The following MSTO1 variants were observed in gnomAD, a reference collection of about 807,000 sequenced individuals.
MSTO1 encodes misato mitochondrial distribution and morphology regulator 1.
Under a neutral mutation model 55.7 loss-of-function variants are expected in MSTO1, and 24 were observed. The observed-to-expected ratio is 0.43, with a 90% CI of 0.31 to 0.61. MSTO1 has a LOEUF of 0.61. MSTO1 is among the 20% of genes least tolerant of loss of function. The pLI is 0.09. For synonymous variants in MSTO1, 162 were observed against 252.8 expected (o/e 0.64, Z 3.41); for missense variants, 363 against 625.7 (o/e 0.58, Z 4.48).
the MSTO1 span, among the ~76,000 whole-genome samples, chr1:155,589,357 C>T: frequency 1.3e-5 from 2 of 151,412 alleles, no homozygotes. Flanking sequence ...GGCCAGACTG[C>T]TGTTGGTAAG....
At chr1:155,587,439 C>CAA in the MSTO1 span, among the ~76,000 whole-genome samples, 2,175 of 52,396 alleles carry the variant, frequency 0.042, 40 homozygotes, top group Non-Finnish European at 0.057. Flanking sequence ...GACTACGTCT[C>CAA]AAAAAAAAAA....
the MSTO1 span, among the ~76,000 whole-genome samples, chr1:155,592,590 G>A: frequency 6.6e-6 from 1 of 151,492 alleles, no homozygotes; most frequent in East Asian, 1.9e-4. Context: ...GCTTCACTCT[G>A]TTTCCCAGGC....
At chr1:155,595,499 T>C in the MSTO1 span, among the ~76,000 whole-genome samples, 1 of 150,218 alleles carries the variant, frequency 6.7e-6, no homozygotes, top group Admixed American at 6.6e-5. Flanking sequence ...TTCTTTTTTT[T>C]TTTTTTTGAG....
At chr1:155,594,745 C>G in the MSTO1 span, among the ~76,000 whole-genome samples, 1 of 152,102 alleles carries the variant, frequency 6.6e-6, no homozygotes, top group Admixed American at 6.6e-5. Context: ...ACCACCACAC[C>G]TGGCTCCCAA....
At chr1:155,570,867 G>T in the MSTO1 span, among the ~76,000 whole-genome samples, 4 of 152,066 alleles carry the variant, frequency 2.6e-5, no homozygotes, top group Admixed American at 1.3e-4. Flanking sequence ...CGAGGATAAG[G>T]GTGGACTACT....
At chr1:155,591,272 G>A in the MSTO1 span, 2 of 1,586,934 alleles carry the variant, frequency 1.3e-6, no homozygotes, top group Non-Finnish European at 1.7e-6. Context: ...TGGTGAGATT[G>A]AAGGAGCTGC....
the MSTO1 span, among the ~76,000 whole-genome samples, chr1:155,574,769 T>C: frequency 1.3e-5 from 2 of 152,158 alleles, no homozygotes; most frequent in African/African-American, 2.4e-5. Context: ...GGTTTTCCTA[T>C]GTTGCCCAGG....
At position 155,610,481 on chromosome 1, in the gene MSTO1, C is replaced by G. The variant is rs1396444335; in HGVS notation, c.141C>G (p.Pro47=). 9.9e-6 allele frequency: 8 copies of G among 805,778 alleles called. No homozygotes were observed. The highest frequency in any genetic ancestry group is 9.5e-5 in the South Asian group (6 of 63,194). The allele number at this position is 805,778 out of a possible 1,614,324, so 49.9% of individuals were successfully genotyped here. Residue 47 remains proline, a synonymous_variant, in exon 2 of 14, where the codon CCC becomes CCG. Transcript: ENST00000245564. ...AGGAGCCCCCGGGAGAGCTGTGCCC[C>G]GACGTCCTGTATCGTACGGGCCGGA... is the stretch of plus-strand genomic sequence containing the variant. ...DSKEPPGELC[P]DVLYRTGRTL... is the part of the protein sequence containing the mutation.
At chr1:155,572,817 A>AT in the MSTO1 span, among the ~76,000 whole-genome samples, 1 of 151,688 alleles carries the variant, frequency 6.6e-6, no homozygotes. Context: ...CGTCTGGCTA[A>AT]TTTTGTATTT....
the MSTO1 span, among the ~76,000 whole-genome samples, chr1:155,580,791 C>T: frequency 1.3e-5 from 2 of 151,234 alleles, no homozygotes; most frequent in African/African-American, 4.9e-5. Flanking sequence ...TGGTGGCATG[C>T]ATCTGTACTC....
In MSTO1 at chr1:155,612,846, C is replaced by T. The variant is rs201559854; in HGVS notation, c.969C>T (p.Ala323=). 3.1e-6 allele frequency: 5 copies of T among 1,613,878 alleles called. No individual in the cohort carries two copies. Among genetic ancestry groups the T allele is most frequent in the Non-Finnish European group, 3.4e-6 (4 of 1,179,832 alleles). The change falls in exon 10 of 14, where the codon GCC becomes GCT. Residue 323 remains alanine (A), a splice_region_variant and synonymous_variant. Transcript: ENST00000245564. ...PVSFPYLHYD[A]TLPFHCSAIL... Reference sequence around the variant, plus strand: ...CCCATCTTGGTGTCTTCTTACAGGCCACTCTGCCCTTCCACTGCAGTGCCA... The same window carrying T: ...CCCATCTTGGTGTCTTCTTACAGGCTACTCTGCCCTTCCACTGCAGTGCCA...
the MSTO1 span, among the ~76,000 whole-genome samples, chr1:155,599,192 A>G: frequency 2.0e-5 from 3 of 152,270 alleles, no homozygotes; most frequent in Admixed American, 6.5e-5. Flanking sequence ...AAGAAAAAAA[A>G]AAAAGAAAAG....
chr1:155,613,366 A>G, intron 11 of MSTO1, 96 bp from the exon 12 acceptor site: 2 of 1,579,920 alleles, frequency 1.3e-6, no homozygotes, highest in Non-Finnish European at 1.7e-6. Flanking sequence ...AAGGGCTTTG[A>G]ATATCTTGAT....
chr1:155,612,988 G>A lies in MSTO1; in HGVS notation c.1098+13G>A. ...CTGTGGGAAAAAGGTATGAAGCTTT[G>A]TAAGGGGTTGGGTCAGTGCTGAGAA... On this transcript the variant is annotated intron_variant, in intron 10 of 13. Coordinates refer to ENST00000245564, the MANE Select transcript of MSTO1 (RefSeq NM_018116.4). The A allele has an allele frequency of 6.2e-7, 1 of 1,613,992 alleles. No individual in the cohort carries two copies. Among genetic ancestry groups the A allele is most frequent in the South Asian group, 1.1e-5 (1 of 91,076 alleles).
chr1:155,608,333 T>C (rs1672999684), upstream of MSTO1, among the ~76,000 whole-genome samples: 1 of 152,036 alleles, frequency 6.6e-6, no homozygotes, highest in Non-Finnish European at 1.5e-5. Flanking sequence ...TTTTGAAAAA[T>C]TCTTTTATAG....
the MSTO1 span, among the ~76,000 whole-genome samples, chr1:155,604,710 T>C: frequency 6.6e-6 from 1 of 151,816 alleles, no homozygotes; most frequent in African/African-American, 2.4e-5. Context: ...ACCTCATCTC[T>C]ACAAAAAATG....
upstream of MSTO1, among the ~76,000 whole-genome samples, chr1:155,609,308 T>G (rs1217329427): frequency 7.5e-6 from 1 of 133,256 alleles, no homozygotes; most frequent in African/African-American, 2.8e-5. Context: ...TGCATTGGCG[T>G]GATCTCGGCT....
the MSTO1 span, among the ~76,000 whole-genome samples, chr1:155,577,428 T>C: frequency 6.6e-6 from 1 of 152,280 alleles, no homozygotes; most frequent in Middle Eastern, 3.4e-3. Flanking sequence ...TACATTTAGG[T>C]CTATGAGCTA....
upstream of MSTO1, among the ~76,000 whole-genome samples, chr1:155,606,381 T>C (rs1313559905): frequency 6.7e-6 from 1 of 149,642 alleles, no homozygotes; most frequent in Non-Finnish European, 1.5e-5. Flanking sequence ...TTTTTTTTTC[T>C]ATTTTTTCTT....
Sources: gnomAD v4.1 joint callset for allele counts (sites outside exome capture counted in the v4.1 genomes callset) on GRCh38, gnomAD v4.1.1 for gene constraint, MANE v1.5 for transcripts, NCBI Gene and HGNC (gene_info 2026-07-23, HGNC 2026-07-21) for gene names.